BCOR: variants seen among roughly 807,000 people sequenced by gnomAD.
BCOR encodes the protein BCL-6 corepressor.
Under a neutral mutation model 86.7 loss-of-function variants are expected in BCOR, and 10 were observed. The observed-to-expected ratio is 0.12, with a 90% CI of 0.07 to 0.20. The LOEUF (loss-of-function observed/expected upper bound fraction) is 0.20, where lower values mean the gene tolerates loss of function less well. BCOR is among the 10% of genes least tolerant of loss of function. The pLI, the probability that BCOR is intolerant of heterozygous loss-of-function variation, is 1.00. For synonymous variants in BCOR, 611 were observed against 609.0 expected (o/e 1.00, Z -0.05); for missense variants, 1,259 against 1,452.1 (o/e 0.87, Z 2.16).
chrX:40,127,911 T>TA (rs1199393094), intron 1 of BCOR, among the ~76,000 whole-genome samples: 218 of 86,485 alleles, frequency 2.5e-3, no homozygotes, highest in African/African-American at 7.6e-3. Context: ...TAAATAAATT[T>TA]AAAAAAAAAA....
chrX:40,113,663 T>C (rs1468805709), intron 1 of BCOR, among the ~76,000 whole-genome samples: 1 of 111,106 alleles, frequency 9.0e-6, no homozygotes, highest in Non-Finnish European at 1.9e-5. Flanking sequence ...CTTGCATCAG[T>C]GTGCAGCGAT....
At chrX:40,139,396 T>TATATATA (rs1555935908) in intron 1 of BCOR, among the ~76,000 whole-genome samples, 1 of 10,922 alleles carries the variant, frequency 9.2e-5, no homozygotes, top group African/African-American at 1.7e-3. Context: ...TATATATACA[T>TATATATA]ATATATATAT....
intron 1 of BCOR, among the ~76,000 whole-genome samples, chrX:40,116,886 G>A (rs1937403508): frequency 8.9e-6 from 1 of 112,354 alleles, no homozygotes; most frequent in Admixed American, 9.4e-5. Flanking sequence ...TTCCTAAGCA[G>A]AAGCTATGGA....
intron 1 of BCOR, among the ~76,000 whole-genome samples, chrX:40,083,401 C>A (rs1357452535): frequency 8.9e-6 from 1 of 112,114 alleles, no homozygotes; most frequent in Non-Finnish European, 1.9e-5. Flanking sequence ...TAGCCGTAGC[C>A]AGCACGGGCG....
rs1935745150 is a variant in BCOR at position 40,075,250 on chromosome X, A to T, written c.166-70T>A. ...GGCAGCAGCACCCAAAGACACTGCC[A>T]ACTAGTTCAACATGCCATCAGCCTT... On this transcript the variant is annotated intron_variant, in intron 3 of 14. Transcript: ENST00000378444. 3 of 970,618 alleles carry T rather than the reference A, an allele frequency of 3.1e-6. No individual in the cohort carries two copies. The Admixed American group carries it at 7.7e-5, about 25-fold the overall frequency. 80.0% of individuals were successfully genotyped at this position (970,618 alleles called of 1,213,427 possible).
chrX:40,145,303 G>C (rs774742520), intron 1 of BCOR, among the ~76,000 whole-genome samples: 2 of 111,432 alleles, frequency 1.8e-5, no homozygotes, highest in Admixed American at 9.4e-5. Flanking sequence ...CGCCCGGCCC[G>C]CCCCAGCTCT....
chrX:40,164,772 T>G (rs375841843), intron 1 of BCOR, among the ~76,000 whole-genome samples: 39 of 112,154 alleles, frequency 3.5e-4, no homozygotes, highest in African/African-American at 1.1e-3. Flanking sequence ...ATGCAAGAAG[T>G]GTTAGCTTAC....
At chrX:40,076,974 G>C (rs911965757) in intron 2 of BCOR, 1 of 307,494 alleles carries the variant, frequency 3.3e-6, no homozygotes, top group Admixed American at 3.8e-5. Flanking sequence ...AACCACTTCC[G>C]TGTTACCCAG....
Position 40,104,957 on chromosome X carries a change from C to G in BCOR, c.-40-26988G>C, listed in dbSNP as rs548028665. On this transcript the variant is annotated intron_variant, in intron 1 of 14. Transcript: ENST00000342274. ...GAGGGTGCGGGGCCGCAGCGAGCTGCGGGCGGAGGTGCGGGCTCCGCGGAG... is the reference window on the plus strand; with the variant it reads ...GAGGGTGCGGGGCCGCAGCGAGCTGGGGGCGGAGGTGCGGGCTCCGCGGAG... Among the ~76,000 whole-genome samples the G allele has an allele frequency of 1.6e-4, 17 of 109,043 alleles. No homozygotes were observed. The South Asian group carries it at 6.8e-3, about 44-fold the overall frequency. 94.7% of individuals were successfully genotyped at this position (109,043 alleles called of 115,157 possible).
chrX:40,070,876 G>T, intron 6 of BCOR, 97 bp downstream of exon 6: 4 of 848,446 alleles, frequency 4.7e-6, no homozygotes, highest in Non-Finnish European at 7.0e-6. Context: ...AGGACAATCG[G>T]CCCTTCATTC....
intron 14 of BCOR, among the ~76,000 whole-genome samples, chrX:40,053,156 T>G (rs1390884382): frequency 8.9e-6 from 1 of 112,342 alleles, no homozygotes; most frequent in Non-Finnish European, 1.9e-5. Context: ...CATTCAGGCA[T>G]GTCCACTCCC....
intron 1 of BCOR, among the ~76,000 whole-genome samples, chrX:40,088,294 T>C (rs1323376278): frequency 8.9e-6 from 1 of 112,653 alleles, no homozygotes; most frequent in Non-Finnish European, 1.9e-5. Context: ...GTCCATACAC[T>C]ACCTTTAAAA....
chrX:40,082,003 C>T (rs1936126135), intron 1 of BCOR, among the ~76,000 whole-genome samples: 1 of 112,682 alleles, frequency 8.9e-6, no homozygotes, highest in Admixed American at 9.3e-5. Flanking sequence ...TCACCCTGGA[C>T]AGACTCTGAG....
At chrX:40,171,651 C>T (rs966554306) in intron 1 of BCOR, among the ~76,000 whole-genome samples, 1 of 112,832 alleles carries the variant, frequency 8.9e-6, no homozygotes, top group African/African-American at 3.2e-5. Flanking sequence ...GGGGGTGCCC[C>T]GCGTGGGCGC....
intron 1 of BCOR, among the ~76,000 whole-genome samples, chrX:40,114,103 G>A: frequency 8.9e-6 from 1 of 112,271 alleles, no homozygotes; most frequent in Non-Finnish European, 1.9e-5. Flanking sequence ...ACTGTAGCCA[G>A]CCACTTAATA....
chrX:40,114,660 A>T (rs1398435609), intron 1 of BCOR, among the ~76,000 whole-genome samples: 3 of 111,125 alleles, frequency 2.7e-5, no homozygotes, highest in African/African-American at 9.8e-5. Context: ...TTGACCTCTA[A>T]CAGTAACTGT....
chrX:40,094,400 C>T (rs981828786), intron 1 of BCOR, among the ~76,000 whole-genome samples: 6 of 112,829 alleles, frequency 5.3e-5, no homozygotes, highest in Non-Finnish European at 1.1e-4. Context: ...GGGAGCGTGA[C>T]GGTGCCTGCG....
At chrX:40,159,858 C>T (rs932550014) in intron 1 of BCOR, among the ~76,000 whole-genome samples, 3 of 110,162 alleles carry the variant, frequency 2.7e-5, no homozygotes, top group Non-Finnish European at 5.7e-5. Context: ...AGTCATAGGT[C>T]AAAGAAAATT....
chrX:40,148,833 C>T (rs769931475), intron 1 of BCOR, among the ~76,000 whole-genome samples: 17 of 111,243 alleles, frequency 1.5e-4, no homozygotes, highest in African/African-American at 3.6e-4. Flanking sequence ...GGTCACAGCG[C>T]GAAGAGTGGT....
Sources: allele counts gnomAD v4.1 joint callset (sites outside exome capture counted in the v4.1 genomes callset), GRCh38; gene constraint gnomAD v4.1.1; transcripts MANE v1.5; gene names NCBI Gene and HGNC (gene_info 2026-07-23, HGNC 2026-07-21).